Variants in VRK2 observed in about 807,000 individuals in gnomAD.
VRK2 encodes the protein VRK serine/threonine kinase 2, also known as serine/threonine-protein kinase VRK2.
Under a neutral mutation model 57.6 loss-of-function variants are expected in VRK2, and 60 were observed. That is an observed-to-expected ratio of 1.04 (90% CI 0.85 to 1.29). The LOEUF (loss-of-function observed/expected upper bound fraction) is 1.29, where lower values mean the gene tolerates loss of function less well. VRK2 is among the 50% of genes most tolerant of loss of function. VRK2 has a pLI of 0.00. For synonymous variants in VRK2, 231 were observed against 199.2 expected, an observed-to-expected ratio of 1.16 and a Z score of -1.35; for missense variants, 705 against 588.1, an observed-to-expected ratio of 1.20 and a Z score of -2.06.
chr2:58,117,320 T>G (rs1676666225), intron 7 of VRK2, among the ~76,000 whole-genome samples: 1 of 152,112 alleles, frequency 6.6e-6, no homozygotes, highest in Non-Finnish European at 1.5e-5. Context: ...AAGAGTAAAT[T>G]GCTGGGCAGG....
chr2:58,085,360 C>T (rs1026088862), intron 4 of VRK2, among the ~76,000 whole-genome samples: 1 of 151,644 alleles, frequency 6.6e-6, no homozygotes, highest in Non-Finnish European at 1.5e-5. Flanking sequence ...TGGATTGGGG[C>T]AAGGTGTGTG....
chr2:57,923,989 A>T (rs912845481), intron 1 of VRK2, among the ~76,000 whole-genome samples: 2 of 151,774 alleles, frequency 1.3e-5, no homozygotes, highest in African/African-American at 4.8e-5. Context: ...TTTCCTTTCC[A>T]TAATGTATGT....
intron 9 of VRK2, 82 bp from the exon 10 acceptor site, chr2:58,135,059 C>A (rs949944384): frequency 2.0e-6 from 3 of 1,479,398 alleles, no homozygotes; most frequent in Non-Finnish European, 2.8e-6. Context: ...GACCTACCAA[C>A]ACATAGAGTG....
intron 1 of VRK2, among the ~76,000 whole-genome samples, chr2:58,007,103 C>T (rs1180864686): frequency 6.6e-6 from 1 of 151,886 alleles, no homozygotes; most frequent in Non-Finnish European, 1.5e-5. Flanking sequence ...TAGACTAAGA[C>T]TGAAACTATA....
rs148903758 is a variant in VRK2 at position 57,909,462 on chromosome 2, A to ATG, written c.-439+1637_-439+1638dup. Among the ~76,000 whole-genome samples, 101 of 128,594 alleles carry ATG rather than the reference A, an allele frequency of 7.9e-4. 2 individuals carry two copies. Among genetic ancestry groups the ATG allele is most frequent in the African/African-American group, 2.7e-3 (98 of 36,152 alleles). 84.4% of individuals were successfully genotyped at this position (128,594 alleles called of 152,430 possible). A position where few individuals can be genotyped will look rare whatever the true frequency, so the allele number is the denominator to read the frequency against. On this transcript the variant is annotated intron_variant, in intron 1 of 15. Coordinates refer to the VRK2 transcript ENST00000417641. ...CAGGAGAAATATTCAGCCTGAGTGT[A>ATG]TGTGTGTGTGTGTGTTTTTTTTTTA...
At position 58,086,337 on chromosome 2, in the gene VRK2, A is replaced by T; in HGVS notation, c.257-2A>T. On this transcript the variant is annotated splice_acceptor_variant, in intron 4 of 12. Coordinates refer to ENST00000340157, the MANE Select transcript of VRK2 (RefSeq NM_006296.7). LOFTEE classifies it high-confidence loss of function. ...TTTTTAAAAATAAATTTGTCTTTGT[A>T]GTCAAAAAGTGGATAGAACGCAAAC... is the stretch of plus-strand genomic sequence containing the variant. 1 of 1,597,944 alleles carries T rather than the reference A, an allele frequency of 6.3e-7. No homozygotes were observed. The highest frequency in any genetic ancestry group is 8.5e-7 in the Non-Finnish European group (1 of 1,174,018).
At chr2:58,050,300 A>T (rs542116615) in intron 2 of VRK2, among the ~76,000 whole-genome samples, 1 of 152,334 alleles carries the variant, frequency 6.6e-6, no homozygotes, top group Non-Finnish European at 1.5e-5. Context: ...ATCTAGTCTC[A>T]AGAGCCCAGT....
intron 1 of VRK2, among the ~76,000 whole-genome samples, chr2:57,908,746 A>G (rs1036199718): frequency 1.3e-5 from 2 of 152,178 alleles, no homozygotes; most frequent in East Asian, 1.9e-4. Flanking sequence ...TAATGAGGCC[A>G]TATCTTGAAG....
intron 2 of VRK2, among the ~76,000 whole-genome samples, chr2:58,062,251 T>C (rs1677458365): frequency 6.6e-6 from 1 of 152,022 alleles, no homozygotes; most frequent in Non-Finnish European, 1.5e-5. Context: ...AATTGGTAAA[T>C]GTAGCACATG....
chr2:58,023,358 T>C (rs1353860092), intron 1 of VRK2, among the ~76,000 whole-genome samples: 1 of 152,260 alleles, frequency 6.6e-6, no homozygotes, highest in Non-Finnish European at 1.5e-5. Flanking sequence ...TGTGTGTTTG[T>C]ATGTGTGCAT....
chr2:58,012,214 C>T (rs1186299775), intron 1 of VRK2, among the ~76,000 whole-genome samples: 1 of 152,130 alleles, frequency 6.6e-6, no homozygotes, highest in African/African-American at 2.4e-5. Flanking sequence ...CAAGAAATAA[C>T]CACAAAAATG....
upstream of VRK2, among the ~76,000 whole-genome samples, chr2:58,045,545 C>T (rs1674676764): frequency 6.6e-6 from 1 of 152,220 alleles, no homozygotes; most frequent in Non-Finnish European, 1.5e-5. Context: ...AGAAAGGACA[C>T]TGTTGGACCA....
At chr2:57,915,295 T>C (rs1248983135) in intron 1 of VRK2, among the ~76,000 whole-genome samples, 2 of 152,004 alleles carry the variant, frequency 1.3e-5, no homozygotes, top group Non-Finnish European at 1.5e-5. Flanking sequence ...TCTAAAAACA[T>C]TTTGCAAACA....
chr2:58,143,509 G>A (rs1681649244), intron 11 of VRK2, among the ~76,000 whole-genome samples: 1 of 151,932 alleles, frequency 6.6e-6, no homozygotes, highest in Non-Finnish European at 1.5e-5. Flanking sequence ...GCCCACGGCA[G>A]TGCAGCCTAA....
chr2:58,134,153 T>G (rs1679623425), intron 9 of VRK2, among the ~76,000 whole-genome samples: 1 of 152,050 alleles, frequency 6.6e-6, no homozygotes, highest in Non-Finnish European at 1.5e-5. Flanking sequence ...AAGAGAGTCA[T>G]AGAAACCAGA....
At chr2:57,959,544 T>C (rs1334729094) in intron 1 of VRK2, among the ~76,000 whole-genome samples, 4 of 152,164 alleles carry the variant, frequency 2.6e-5, no homozygotes, top group Non-Finnish European at 5.9e-5. Context: ...AGTAAGCTTC[T>C]AGTGTTAGCA....
intron 1 of VRK2, 196 bp downstream of exon 1, chr2:58,047,064 G>T: frequency 1.2e-6 from 1 of 802,252 alleles, no homozygotes; most frequent in Non-Finnish European, 1.5e-6. Flanking sequence ...CCCGCTGGGA[G>T]TGAGAACAAG....
intron 2 of VRK2, among the ~76,000 whole-genome samples, chr2:58,029,850 A>C (rs1004112213): frequency 6.6e-6 from 1 of 152,120 alleles, no homozygotes; most frequent in African/African-American, 2.4e-5. Flanking sequence ...CACAGCACTT[A>C]TCATTGTCAT....
intron 4 of VRK2, 137 bp downstream of exon 4, chr2:58,085,087 T>A (rs1671432481): frequency 1.4e-6 from 1 of 694,754 alleles, no homozygotes. Flanking sequence ...AGTTAACTGT[T>A]ACAACATATA....
Sources: gnomAD v4.1 joint callset for allele counts (sites outside exome capture counted in the v4.1 genomes callset) on GRCh38, gnomAD v4.1.1 for gene constraint, MANE v1.5 for transcripts, NCBI Gene and HGNC (gene_info 2026-07-23, HGNC 2026-07-21) for gene names.